The following KAZN variants were observed in gnomAD, a reference collection of about 807,000 sequenced individuals.
The protein encoded by KAZN is kazrin.
Under a neutral mutation model 87.4 loss-of-function variants are expected in KAZN, and 40 were observed. The ratio of observed to expected loss-of-function variants is 0.46; its 90% CI spans 0.36 to 0.60. KAZN has a LOEUF of 0.60. KAZN is among the 20% of genes least tolerant of loss of function. KAZN has a pLI of 0.00. For missense variants in KAZN, 898 were observed against 1,073.9 expected (o/e 0.84, Z 2.29); for synonymous variants, 466 against 458.3 (o/e 1.02, Z -0.22).
At chr1:14,315,238 C>G (rs751099517) in intron 2 of KAZN, among the ~76,000 whole-genome samples, 1 of 152,096 alleles carries the variant, frequency 6.6e-6, no homozygotes, top group Non-Finnish European at 1.5e-5. Context: ...AGTTCCTTGT[C>G]TGGTTCATCC....
intron 1 of KAZN, among the ~76,000 whole-genome samples, chr1:14,756,415 G>A (rs146871336): frequency 1.9e-3 from 287 of 152,272 alleles, no homozygotes; most frequent in Non-Finnish European, 2.8e-3. Context: ...GTCTGATACC[G>A]GGTGTCCCTG....
At chr1:14,627,639 T>C (rs1679244250) in intron 1 of KAZN, among the ~76,000 whole-genome samples, 1 of 152,234 alleles carries the variant, frequency 6.6e-6, no homozygotes, top group African/African-American at 2.4e-5. Context: ...GCCTGCCTTC[T>C]GAGGGTACCT....
intron 2 of KAZN, among the ~76,000 whole-genome samples, chr1:14,367,845 T>C (rs766310914): frequency 7.9e-5 from 12 of 152,220 alleles, no homozygotes; most frequent in Non-Finnish European, 1.8e-4. Context: ...ATTTTCAATG[T>C]AGTCCCTAAG....
intron 2 of KAZN, among the ~76,000 whole-genome samples, chr1:14,537,384 G>A (rs1375079514): frequency 4.6e-5 from 7 of 152,204 alleles, no homozygotes; most frequent in Non-Finnish European, 1.0e-4. Context: ...CAATGTGACT[G>A]GGGAAATGAA....
chr1:14,252,312 T>C (rs560958149), intron 2 of KAZN, among the ~76,000 whole-genome samples: 3 of 152,336 alleles, frequency 2.0e-5, no homozygotes, highest in African/African-American at 7.2e-5. Flanking sequence ...GAGTTCACAC[T>C]ACCCAGAATG....
chr1:14,464,804 G>T (rs1162321959), intron 2 of KAZN, among the ~76,000 whole-genome samples: 1 of 152,002 alleles, frequency 6.6e-6, no homozygotes, highest in Middle Eastern at 3.2e-3. Context: ...ACCTCCCAAA[G>T]TGCTGGGATT....
intron 2 of KAZN, among the ~76,000 whole-genome samples, chr1:14,549,719 C>T (rs1673390269): frequency 7.3e-6 from 1 of 136,242 alleles, no homozygotes; most frequent in Admixed American, 7.5e-5. Context: ...TGCAACTCTT[C>T]CAGAATCCTG....
At chr1:14,383,571 G>A (rs1396204243) in intron 2 of KAZN, among the ~76,000 whole-genome samples, 1 of 151,342 alleles carries the variant, frequency 6.6e-6, no homozygotes, top group Non-Finnish European at 1.5e-5. Flanking sequence ...ATTAAATAGG[G>A]AATCCTTTCC....
chr1:15,042,444 G>A (rs562221441), intron 3 of KAZN, among the ~76,000 whole-genome samples: 2 of 152,296 alleles, frequency 1.3e-5, no homozygotes, highest in African/African-American at 4.8e-5. Context: ...TACGTGGGTG[G>A]TCAGGGAAGG....
At chr1:14,380,082 A>G (rs1661246634) in intron 2 of KAZN, among the ~76,000 whole-genome samples, 1 of 152,236 alleles carries the variant, frequency 6.6e-6, no homozygotes, top group African/African-American at 2.4e-5. Flanking sequence ...TCTGCCTGGT[A>G]ATCCAGAGAA....
At chr1:14,143,529 C>T (rs1645284575) in intron 1 of KAZN, among the ~76,000 whole-genome samples, 1 of 152,192 alleles carries the variant, frequency 6.6e-6, no homozygotes, top group Admixed American at 6.5e-5. Flanking sequence ...CACTTCTCCC[C>T]CACTTACTTC....
chr1:14,817,021 A>G (rs758132645), intron 1 of KAZN, among the ~76,000 whole-genome samples: 22 of 152,240 alleles, frequency 1.4e-4, no homozygotes, highest in Non-Finnish European at 2.8e-4. Context: ...AAGTTCCAAC[A>G]GTGGCCATTG....
chr1:14,992,800 C>T (rs1054226116), intron 2 of KAZN, among the ~76,000 whole-genome samples: 2 of 151,944 alleles, frequency 1.3e-5, no homozygotes, highest in South Asian at 2.1e-4. Context: ...CCCACCAACA[C>T]GCCCAGATAA....
At chr1:14,342,038 C>T (rs1033392554) in intron 2 of KAZN, among the ~76,000 whole-genome samples, 1 of 152,130 alleles carries the variant, frequency 6.6e-6, no homozygotes, top group Non-Finnish European at 1.5e-5. Context: ...TGTGTCCGTG[C>T]GTTCTCATCA....
chr1:13,992,579 G>A (rs892169282), intron 1 of KAZN, among the ~76,000 whole-genome samples: 7 of 152,156 alleles, frequency 4.6e-5, no homozygotes, highest in Non-Finnish European at 8.8e-5. Flanking sequence ...TAAGATAATG[G>A]CCCTGAGATT....
At chr1:15,049,298 G>A (rs543374358) in intron 4 of KAZN, among the ~76,000 whole-genome samples, 92 of 152,346 alleles carry the variant, frequency 6.0e-4, no homozygotes, top group South Asian at 2.5e-3. Flanking sequence ...CACGGACCTC[G>A]CTGCTGACGA....
rs531289693 is a variant in KAZN at position 13,917,093 on chromosome 1, T to TGC, written c.91+23338_91+23339dup. Among the ~76,000 whole-genome samples the TGC allele has an allele frequency of 3.6e-3, 548 of 152,306 alleles. 3 individuals carry two copies. The highest frequency in any genetic ancestry group is 0.013 in the African/African-American group (529 of 41,568). On this transcript the variant is annotated intron_variant, in intron 1 of 16. Transcript: ENST00000636203. ...AAGTATGTGTTTGTGTGTGTGTGTG[T>TGC]GCACACGTGCATGCATGCACGCCCA...
intron 2 of KAZN, among the ~76,000 whole-genome samples, chr1:14,264,825 T>C (rs549304569): frequency 9.8e-5 from 15 of 152,322 alleles, no homozygotes; most frequent in Non-Finnish European, 2.9e-5. Context: ...CAAATAAATT[T>C]CTCTGCTTTT....
intron 2 of KAZN, among the ~76,000 whole-genome samples, chr1:14,483,273 G>A (rs1669178662): frequency 6.6e-6 from 1 of 152,174 alleles, no homozygotes; most frequent in Admixed American, 6.5e-5. Context: ...AATGAAGATA[G>A]AGAATGGGGC....
Sources: allele counts gnomAD v4.1 joint callset (sites outside exome capture counted in the v4.1 genomes callset), GRCh38; gene constraint gnomAD v4.1.1; transcripts MANE v1.5; gene names NCBI Gene and HGNC (gene_info 2026-07-23, HGNC 2026-07-21).